Variants in TACC2 observed in about 807,000 individuals in gnomAD.
TACC2 encodes transforming acidic coiled-coil-containing protein 2.
Under a neutral mutation model 227.3 loss-of-function variants are expected in TACC2, and 137 were observed. The observed-to-expected ratio is 0.60, with a 90% CI of 0.52 to 0.69. The LOEUF is 0.69. Among genes scored for constraint, TACC2 ranks in the 30% least tolerant of loss-of-function variants. The pLI is 0.00. For synonymous variants in TACC2, 1,523 were observed against 1,487.5 expected, an observed-to-expected ratio of 1.02 and a Z score of -0.55; for missense variants, 3,470 against 3,694.4, an observed-to-expected ratio of 0.94 and a Z score of 1.57.
chr10:122,173,900 A>G (rs1380397998), intron 7 of TACC2, among the ~76,000 whole-genome samples: 3 of 152,186 alleles, frequency 2.0e-5, no homozygotes, highest in Non-Finnish European at 4.4e-5. Context: ...TGCACGTTCC[A>G]GGCTCCATGA....
chr10:122,176,393 A>G (rs1592958725), intron 7 of TACC2, among the ~76,000 whole-genome samples: 1 of 152,034 alleles, frequency 6.6e-6, no homozygotes, highest in Admixed American at 6.6e-5. Context: ...CCTGGTCAAT[A>G]AAGAACTTTG....
chr10:122,024,689 T>C (rs1162970630), intron 2 of TACC2, among the ~76,000 whole-genome samples: 1 of 152,028 alleles, frequency 6.6e-6, no homozygotes, highest in Non-Finnish European at 1.5e-5. Context: ...GCTTTTTTTC[T>C]CTCTCAGCAT....
At position 122,147,446 on chromosome 10, in the gene TACC2, A is replaced by G. The variant is rs143256304; in HGVS notation, c.5834+3740A>G. Among the ~76,000 whole-genome samples the G allele has an allele frequency of 2.8e-3, 426 of 152,254 alleles. 3 individuals are homozygous for G. Among genetic ancestry groups the G allele is most frequent in the African/African-American group, 9.6e-3 (397 of 41,550 alleles). On this transcript the variant is annotated intron_variant, in intron 7 of 22. Coordinates refer to ENST00000369005, the MANE Select transcript of TACC2 (RefSeq NM_206862.4). ...AGGCATGAGCCACTGCGCCCCGCCA[A>G]GTTCCTTTTTTTCCCCCATTTCAGT... is the stretch of plus-strand genomic sequence containing the variant.
Position 122,233,650 on chromosome 10 carries a change from G to A in TACC2, c.8127+3210G>A, listed in dbSNP as rs904922205. 5.3e-5 allele frequency among the ~76,000 whole-genome samples: 8 copies of A among 152,184 alleles called. No homozygotes were observed. In the East Asian group the frequency reaches 1.3e-3, roughly 26 times the overall value. On this transcript the variant is annotated intron_variant, in intron 16 of 22. Transcript: ENST00000369005. ...CCCACCCATACACACACATTGAGCCGAGGTTCAAAAGGAGGGAGACGTGAT... is the reference window on the plus strand; with the variant it reads ...CCCACCCATACACACACATTGAGCCAAGGTTCAAAAGGAGGGAGACGTGAT...
At chr10:121,993,771 G>A (rs182676816) in intron 1 of TACC2, among the ~76,000 whole-genome samples, 4 of 152,116 alleles carry the variant, frequency 2.6e-5, no homozygotes, top group African/African-American at 4.8e-5. Flanking sequence ...GACTACAGGC[G>A]TGCGCCACCA....
intron 5 of TACC2, among the ~76,000 whole-genome samples, chr10:122,099,940 T>C (rs1204489942): frequency 1.3e-5 from 2 of 152,218 alleles, no homozygotes; most frequent in African/African-American, 4.8e-5. Context: ...TGTAGAAAAT[T>C]GCCTCTCCTG....
At chr10:122,153,900 C>A (rs1198401295) in intron 7 of TACC2, among the ~76,000 whole-genome samples, 1 of 152,166 alleles carries the variant, frequency 6.6e-6, no homozygotes, top group Non-Finnish European at 1.5e-5. Context: ...TTAATTCAAA[C>A]CTTACTGCTG....
chr10:122,177,012 G>C (rs1324606624), intron 7 of TACC2, among the ~76,000 whole-genome samples: 1 of 152,108 alleles, frequency 6.6e-6, no homozygotes, highest in Admixed American at 6.5e-5. Flanking sequence ...AAATCTCTTG[G>C]TACATCACAG....
chr10:122,254,170 G>A lies in TACC2; in HGVS notation c.*114G>A, dbSNP rs1416315388. 2.4e-6 allele frequency: 2 copies of A among 836,116 alleles called. No homozygotes were observed. The highest frequency in any genetic ancestry group is 2.5e-5 in the East Asian group (1 of 40,282). The allele number at this position is 836,116 out of a possible 1,614,324, so 51.8% of individuals were successfully genotyped here. A position where few individuals can be genotyped will look rare whatever the true frequency, so the allele number is the denominator to read the frequency against. On this transcript the variant is annotated 3_prime_UTR_variant, in exon 23 of 23. Coordinates refer to ENST00000369005, the MANE Select transcript of TACC2 (RefSeq NM_206862.4). Reference sequence around the variant, plus strand: ...TTTTCACTTTTTCGTATGCACTACTGTATTTCCTTTCTAAATAAAATTGAT... The same window carrying A: ...TTTTCACTTTTTCGTATGCACTACTATATTTCCTTTCTAAATAAAATTGAT...
chr10:122,008,814 C>T (rs1490841876), intron 1 of TACC2, among the ~76,000 whole-genome samples: 1 of 152,180 alleles, frequency 6.6e-6, no homozygotes, highest in African/African-American at 2.4e-5. Flanking sequence ...CTCAAGCGAT[C>T]CACTCACCTT....
intron 14 of TACC2, among the ~76,000 whole-genome samples, chr10:122,228,330 G>A (rs975454961): frequency 3.3e-5 from 5 of 152,162 alleles, no homozygotes; most frequent in African/African-American, 7.2e-5. Flanking sequence ...CTGCCGCTTC[G>A]TCCTTGATGG....
intron 7 of TACC2, among the ~76,000 whole-genome samples, chr10:122,193,309 T>C (rs186057445): frequency 1.5e-4 from 23 of 152,308 alleles, no homozygotes; most frequent in Admixed American, 1.4e-3. Flanking sequence ...TGTAAAAGCA[T>C]TGATACAGAT....
chr10:122,061,539 G>A (rs2076826285), intron 3 of TACC2, among the ~76,000 whole-genome samples: 1 of 152,130 alleles, frequency 6.6e-6, no homozygotes, highest in Non-Finnish European at 1.5e-5. Flanking sequence ...GGAAGGCCTG[G>A]CATCTTTGAG....
At chr10:121,999,826 G>A (rs772372164) in intron 1 of TACC2, among the ~76,000 whole-genome samples, 32 of 152,196 alleles carry the variant, frequency 2.1e-4, no homozygotes, top group Admixed American at 5.9e-4. Context: ...AAGGGCAATC[G>A]GTCACTCCTT....
At chr10:122,019,412 T>C (rs1957069248) in intron 1 of TACC2, among the ~76,000 whole-genome samples, 1 of 152,228 alleles carries the variant, frequency 6.6e-6, no homozygotes, top group Non-Finnish European at 1.5e-5. Flanking sequence ...GCAGTTGGCT[T>C]ATTTTTAGAA....
At position 122,050,683 on chromosome 10, in the gene TACC2, A is replaced by C; in HGVS notation, c.146+133A>C. 1 of 680,644 alleles carries C rather than the reference A, an allele frequency of 1.5e-6. No individual in the cohort carries two copies. Among genetic ancestry groups the C allele is most frequent in the Non-Finnish European group, 2.5e-6 (1 of 392,644 alleles). The allele number at this position is 680,644 out of a possible 1,614,324, so 42.2% of individuals were successfully genotyped here. On this transcript the variant is annotated intron_variant, in intron 3 of 22. Coordinates refer to ENST00000369005, the MANE Select transcript of TACC2 (RefSeq NM_206862.4). This position sits in a 1 kb window ranked among gnomAD's most constrained non-coding sequence, Gnocchi z 4.6. Reference sequence around the variant, plus strand: ...ACATGGTATCGTCCTCAGTGGTGAGATGTTCCAAGCAGTGGTTCACAGACC... The same window carrying C: ...ACATGGTATCGTCCTCAGTGGTGAGCTGTTCCAAGCAGTGGTTCACAGACC...
intron 2 of TACC2, among the ~76,000 whole-genome samples, chr10:122,033,759 C>T (rs570008540): frequency 3.3e-5 from 5 of 152,182 alleles, no homozygotes; most frequent in Admixed American, 3.3e-4. Flanking sequence ...GGGGTGTGGT[C>T]AGGGTGAGGC....
chr10:122,041,763 C>G (rs1193103838), intron 2 of TACC2, among the ~76,000 whole-genome samples: 1 of 152,212 alleles, frequency 6.6e-6, no homozygotes, highest in Non-Finnish European at 1.5e-5. Context: ...CAGAGAGTTT[C>G]TTTACTGTCA....
chr10:122,135,962 C>G (rs1423961163), intron 6 of TACC2, among the ~76,000 whole-genome samples: 1 of 152,216 alleles, frequency 6.6e-6, no homozygotes, highest in Non-Finnish European at 1.5e-5. Context: ...AACAACAGGC[C>G]TCGGGGCGAA....
Sources: allele counts gnomAD v4.1 joint callset (sites outside exome capture counted in the v4.1 genomes callset), GRCh38; gene constraint gnomAD v4.1.1; non-coding constraint Gnocchi (gnomAD v3.1); transcripts MANE v1.5; gene names NCBI Gene and HGNC (gene_info 2026-07-23, HGNC 2026-07-21).